Variants in CHLSN observed in about 807,000 individuals in gnomAD.
CHLSN encodes protein cholesin.
chr7:1,057,638 C>A, the CHLSN span: 15 of 770,388 alleles, frequency 1.9e-5, no homozygotes, highest in South Asian at 2.0e-4. Context: ...TGCCAGTGGG[C>A]CTGTGCTACA....
chr7:1,012,837 T>A, the CHLSN span, among the ~76,000 whole-genome samples: 1 of 151,662 alleles, frequency 6.6e-6, no homozygotes, highest in Non-Finnish European at 1.5e-5. Flanking sequence ...GCCTTGGGGG[T>A]GCCGGCTCCA....
At chr7:983,623 C>T in the CHLSN span, among the ~76,000 whole-genome samples, 3 of 152,268 alleles carry the variant, frequency 2.0e-5, no homozygotes, top group South Asian at 4.1e-4. Context: ...CAGGGCCCGG[C>T]GCGGGAGCAG....
chr7:983,280 AG>A, the CHLSN span: 1 of 1,543,676 alleles, frequency 6.5e-7, no homozygotes, highest in African/African-American at 1.4e-5. Context: ...CCTGCGCCCA[AG>A]ACCCCTCCCC....
the CHLSN span, among the ~76,000 whole-genome samples, chr7:1,080,688 C>T: frequency 6.6e-6 from 1 of 152,258 alleles, no homozygotes; most frequent in Non-Finnish European, 1.5e-5. Context: ...CATCTGAAAA[C>T]TACAGGTTCT....
the CHLSN span, among the ~76,000 whole-genome samples, chr7:992,909 T>C: frequency 6.6e-6 from 1 of 152,320 alleles, no homozygotes; most frequent in South Asian, 2.1e-4. Context: ...CCACCCCTCC[T>C]GCCTGGACTC....
At chr7:993,180 G>C in the CHLSN span, among the ~76,000 whole-genome samples, 1 of 152,212 alleles carries the variant, frequency 6.6e-6, no homozygotes, top group African/African-American at 2.4e-5. Context: ...GTCCCAGTGG[G>C]CGGGGGGTGG....
At chr7:1,041,317 T>C in the CHLSN span, among the ~76,000 whole-genome samples, 1,367 of 89,786 alleles carry the variant, frequency 0.015, 88 homozygotes, top group Middle Eastern at 0.027. Context: ...GGGTCCGCGC[T>C]GCGGGGAAGG....
At chr7:1,127,176 G>A in the CHLSN span, 72 of 1,482,128 alleles carry the variant, frequency 4.9e-5, no homozygotes, top group East Asian at 1.1e-3. Context: ...AGACCAGCAG[G>A]CTGAGCCACC....
chr7:1,003,567 G>T, the CHLSN span, among the ~76,000 whole-genome samples: 2 of 46,066 alleles, frequency 4.3e-5, no homozygotes, highest in Non-Finnish European at 4.0e-5. Flanking sequence ...CCTGTGGGTG[G>T]GGAGTCCTGT....
At chr7:997,493 C>T in the CHLSN span, 9 of 740,020 alleles carry the variant, frequency 1.2e-5, no homozygotes, top group East Asian at 9.8e-5. Context: ...CCCCCACCAC[C>T]GGAGGAGCTG....
the CHLSN span, among the ~76,000 whole-genome samples, chr7:1,008,903 T>TACACATGC: frequency 4.7e-5 from 7 of 150,368 alleles, no homozygotes; most frequent in African/African-American, 1.5e-4. Context: ...TGCACACACG[T>TACACATGC]ACACAACACA....
the CHLSN span, among the ~76,000 whole-genome samples, chr7:1,014,189 C>T: frequency 3.0e-4 from 46 of 152,386 alleles, no homozygotes; most frequent in Non-Finnish European, 5.1e-4. Flanking sequence ...AAGCCAAACC[C>T]TACAGGCTGG....
chr7:985,220 C>A, the CHLSN span: 49 of 1,555,032 alleles, frequency 3.2e-5, no homozygotes, highest in South Asian at 5.6e-4. Context: ...ATCACCTTCG[C>A]GCTCCTCTTC....
chr7:1,103,614 C>T, the CHLSN span, among the ~76,000 whole-genome samples: 5,139 of 152,314 alleles, frequency 0.034, 282 homozygotes, highest in African/African-American at 0.12. Flanking sequence ...ATTCAGACCA[C>T]GCTTTCATTA....
chr7:1,071,006 G>A, the CHLSN span, among the ~76,000 whole-genome samples: 7 of 146,080 alleles, frequency 4.8e-5, no homozygotes, highest in East Asian at 2.0e-4. Context: ...ACGTGCACAC[G>A]CACATGCACA....
At chr7:1,092,464 C>T in the CHLSN span, 6 of 1,607,910 alleles carry the variant, frequency 3.7e-6, no homozygotes, top group Admixed American at 1.7e-5. Context: ...CAGGGCGCAC[C>T]GGCACCGTGG....
At chr7:1,080,548 G>C in the CHLSN span, among the ~76,000 whole-genome samples, 1 of 152,250 alleles carries the variant, frequency 6.6e-6, no homozygotes, top group South Asian at 2.1e-4. Flanking sequence ...TGACCACCCA[G>C]GGACGGGCAG....
the CHLSN span, chr7:989,566 G>C: frequency 6.5e-6 from 1 of 153,380 alleles, no homozygotes; most frequent in South Asian, 2.0e-4. Context: ...GAATCACGAG[G>C]TCAGGAGTTC....
chr7:1,028,340 C>G, the CHLSN span: 2 of 1,019,066 alleles, frequency 2.0e-6, no homozygotes, highest in Non-Finnish European at 2.4e-6. Context: ...CCGGCCCGCG[C>G]CTCCAGCAGC....
Sources: allele counts gnomAD v4.1 joint callset (sites outside exome capture counted in the v4.1 genomes callset), GRCh38; gene constraint gnomAD v4.1.1; transcripts MANE v1.5; gene names NCBI Gene and HGNC (gene_info 2026-07-23, HGNC 2026-07-21).